DAB2: variants seen among roughly 807,000 people sequenced by gnomAD.
DAB2 encodes DAB adaptor protein 2.
In DAB2, 28 loss-of-function variants were observed where a neutral mutation model predicts 71.6. The ratio of observed to expected loss-of-function variants is 0.39; its 90% confidence interval spans 0.29 to 0.54. The LOEUF is 0.54. DAB2 is among the 20% of genes least tolerant of loss of function. The probability of loss-of-function intolerance (pLI) is 0.68; values close to 1 mark genes in which losing one functional copy is unlikely to be tolerated. For synonymous variants in DAB2, 345 were observed against 339.7 expected, an observed-to-expected ratio of 1.02 and a Z score of -0.17; for missense variants, 867 against 928.8, an observed-to-expected ratio of 0.93 and a Z score of 0.86.
rs758040299 is a variant in DAB2, at chr5:39,376,115, T to TA, written c.2138-10dup. Reference sequence around the variant, plus strand: ...AGCTGGCTTTGGTGGTTCTAGAAGGTAAAAAATCCAGGCAATCAGTAGACA... The same window carrying TA: ...AGCTGGCTTTGGTGGTTCTAGAAGGTAAAAAAATCCAGGCAATCAGTAGACA... On this transcript the variant is annotated splice_polypyrimidine_tract_variant and intron_variant, in intron 12 of 14. Coordinates refer to ENST00000320816, the MANE Select transcript of DAB2 (RefSeq NM_001343.4). 2 of 1,609,730 alleles carry TA rather than the reference T, an allele frequency of 1.2e-6. No individual in the cohort carries two copies. The highest frequency in any genetic ancestry group is 1.3e-5 in the African/African-American group (1 of 74,650).
At chr5:39,415,982 A>G (rs1755835966) in intron 1 of DAB2, among the ~76,000 whole-genome samples, 1 of 152,154 alleles carries the variant, frequency 6.6e-6, no homozygotes, top group Admixed American at 6.6e-5. Flanking sequence ...TTCATGTTTA[A>G]TGAATGAGTC....
chr5:39,421,043 G>C (rs1755972184), intron 1 of DAB2, among the ~76,000 whole-genome samples: 1 of 152,142 alleles, frequency 6.6e-6, no homozygotes, highest in Non-Finnish European at 1.5e-5. Context: ...CTCCTTCTCT[G>C]TCAGGAGTCT....
intron 9 of DAB2, chr5:39,387,605 A>T (rs907520326): frequency 6.6e-6 from 1 of 152,162 alleles, no homozygotes; most frequent in Non-Finnish European, 1.5e-5. Context: ...TCAAAATGTC[A>T]TGGACATTTT....
chr5:39,398,809 C>T (rs894917200), intron 1 of DAB2, among the ~76,000 whole-genome samples: 4 of 152,176 alleles, frequency 2.6e-5, no homozygotes, highest in Non-Finnish European at 4.4e-5. Context: ...ATAGACTTGT[C>T]AAATAGGCAA....
chr5:39,415,377 C>T (rs990707533), intron 1 of DAB2, among the ~76,000 whole-genome samples: 21 of 152,096 alleles, frequency 1.4e-4, no homozygotes, highest in African/African-American at 4.8e-4. Context: ...TCTGAATCAA[C>T]ACTATCTTCA....
At chr5:39,418,810 T>A (rs1478016970) in intron 1 of DAB2, among the ~76,000 whole-genome samples, 1 of 152,194 alleles carries the variant, frequency 6.6e-6, no homozygotes, top group Non-Finnish European at 1.5e-5. Flanking sequence ...AATATCAGCT[T>A]AGTTATTGCA....
At chr5:39,382,406 G>A (rs3733799) in intron 10 of DAB2, among the ~76,000 whole-genome samples, 3,353 of 152,274 alleles carry the variant, frequency 0.022, 156 homozygotes, top group East Asian at 0.2. Flanking sequence ...ACATGCACAC[G>A]GAAAGCAGGG....
At position 39,388,355 on chromosome 5, in the gene DAB2, T is replaced by C. The variant is rs1385743781; in HGVS notation, c.637A>G (p.Met213Val). ...GTAGACATGTCCCCAAACAAATCCATCTGGTCAACACCCTTAAAAAAGTAT... is the reference window on the plus strand; with the variant it reads ...GTAGACATGTCCCCAAACAAATCCACCTGGTCAACACCCTTAAAAAAGTAT... ...TNKLKSGVDQ[M>V]DLFGDMSTPP... is the part of the protein sequence containing the mutation. The change falls in exon 9 of 15, where the codon ATG becomes GTG. Residue 213 changes from methionine to valine, a missense_variant. Met to Val is a conservative substitution (Grantham distance 21). Around this residue, in one of 2 missense-constraint regions of DAB2, gnomAD observed 740 missense variants for 734.3 expected, o/e 1.01. Transcript: ENST00000320816. The C allele has an allele frequency of 6.2e-7, 1 of 1,610,870 alleles. No homozygotes were observed. The highest frequency in any genetic ancestry group is 1.3e-5 in the African/African-American group (1 of 74,978).
chr5:39,379,954 T>C (rs899525904), intron 11 of DAB2, among the ~76,000 whole-genome samples: 3 of 152,236 alleles, frequency 2.0e-5, no homozygotes, highest in Non-Finnish European at 2.9e-5. Context: ...TCTGAATAAA[T>C]AAACAGTTAT....
chr5:39,418,218 G>A (rs1319679952), intron 1 of DAB2: 1 of 152,220 alleles, frequency 6.6e-6, no homozygotes, highest in Non-Finnish European at 1.5e-5. Context: ...TTCTGACTCA[G>A]AGGGCAGTTG....
At chr5:39,387,028 T>G (rs901274051) in intron 9 of DAB2, among the ~76,000 whole-genome samples, 2 of 152,180 alleles carry the variant, frequency 1.3e-5, no homozygotes, top group Non-Finnish European at 2.9e-5. Context: ...AAAATGAATA[T>G]TAAACAGGCT....
chr5:39,409,774 A>C (rs938671750), intron 1 of DAB2, among the ~76,000 whole-genome samples: 5 of 152,144 alleles, frequency 3.3e-5, no homozygotes, highest in African/African-American at 1.2e-4. Flanking sequence ...CAACCATTAA[A>C]CATTGTTCCT....
intron 1 of DAB2, among the ~76,000 whole-genome samples, chr5:39,396,057 C>T (rs1755363362): frequency 1.4e-5 from 2 of 145,246 alleles, no homozygotes; most frequent in Non-Finnish European, 3.0e-5. Context: ...ATTCTCCTGC[C>T]TCGGCTTCCT....
intron 2 of DAB2, among the ~76,000 whole-genome samples, 181 bp from the exon 3 acceptor site, chr5:39,393,574 T>C (rs1755285791): frequency 6.6e-6 from 1 of 152,142 alleles, no homozygotes; most frequent in Non-Finnish European, 1.5e-5. Flanking sequence ...CACAATCAAC[T>C]GTGTATGGAG....
At chr5:39,408,945 TA>T (rs1282158682) in intron 1 of DAB2, 1 of 152,184 alleles carries the variant, frequency 6.6e-6, no homozygotes, top group African/African-American at 2.4e-5. Context: ...ACAAATTAGA[TA>T]GGTTAATGGA....
At chr5:39,377,760 G>T (rs1754867095) in intron 11 of DAB2, among the ~76,000 whole-genome samples, 1 of 152,076 alleles carries the variant, frequency 6.6e-6, no homozygotes, top group South Asian at 2.1e-4. Flanking sequence ...CTTTTCATTT[G>T]GCAACTGGCT....
At chr5:39,399,226 C>A (rs1414076707) in intron 1 of DAB2, among the ~76,000 whole-genome samples, 1 of 152,112 alleles carries the variant, frequency 6.6e-6, no homozygotes, top group Non-Finnish European at 1.5e-5. Context: ...CAGGTCCCTT[C>A]AGTTCAAAAA....
chr5:39,421,544 T>C (rs1209993192), intron 1 of DAB2, among the ~76,000 whole-genome samples: 1 of 152,158 alleles, frequency 6.6e-6, no homozygotes, highest in Non-Finnish European at 1.5e-5. Flanking sequence ...TCAACTACTA[T>C]CCAATTGTGC....
At chr5:39,386,960 T>C (rs886309715) in intron 9 of DAB2, among the ~76,000 whole-genome samples, 2 of 152,124 alleles carry the variant, frequency 1.3e-5, no homozygotes, top group Non-Finnish European at 2.9e-5. Flanking sequence ...CTCAGAACTA[T>C]AACAAAAATT....
Sources: allele counts gnomAD v4.1 joint callset (sites outside exome capture counted in the v4.1 genomes callset), GRCh38; gene constraint gnomAD v4.1.1; regional missense constraint gnomAD v4.1.1; transcripts MANE v1.5; gene names NCBI Gene and HGNC (gene_info 2026-07-23, HGNC 2026-07-21).